UBE2K: variants seen among roughly 807,000 people sequenced by gnomAD.
UBE2K encodes the protein ubiquitin conjugating enzyme E2 K.
Under a neutral mutation model 30.0 loss-of-function variants are expected in UBE2K, and 6 were observed. That is an observed-to-expected ratio of 0.20 (90% confidence interval 0.11 to 0.39). The LOEUF is 0.39. Among genes scored for constraint, UBE2K ranks in the 10% least tolerant of loss-of-function variants. UBE2K has a pLI of 1.00. For missense variants in UBE2K, 61 were observed against 241.6 expected (o/e 0.25, Z 4.96); for synonymous variants, 86 against 83.7 (o/e 1.03, Z -0.15).
intron 4 of UBE2K, among the ~76,000 whole-genome samples, chr4:39,772,130 C>T (rs1410607576): frequency 1.3e-5 from 2 of 152,194 alleles, no homozygotes; most frequent in Non-Finnish European, 1.5e-5. Context: ...AGCCACTGCA[C>T]CCAGCCTAAA....
chr4:39,739,306 C>T (rs951631029), intron 2 of UBE2K, among the ~76,000 whole-genome samples: 1 of 152,040 alleles, frequency 6.6e-6, no homozygotes, highest in Admixed American at 6.6e-5. Context: ...GCTGGGGTTA[C>T]AGGAGTGAGC....
At chr4:39,743,219 G>A (rs1291540140) in intron 2 of UBE2K, among the ~76,000 whole-genome samples, 1 of 152,166 alleles carries the variant, frequency 6.6e-6, no homozygotes, top group Non-Finnish European at 1.5e-5. Context: ...TTGACTTTTT[G>A]AAGAGCTGAG....
chr4:39,727,688 C>T (rs114836764), intron 1 of UBE2K, among the ~76,000 whole-genome samples: 1 of 152,040 alleles, frequency 6.6e-6, no homozygotes, highest in East Asian at 1.9e-4. Context: ...GTGTGAGCCA[C>T]TGTGCCTGGC....
At chr4:39,753,350 G>C (rs440105) in intron 3 of UBE2K, among the ~76,000 whole-genome samples, 28,186 of 148,982 alleles carry the variant, frequency 0.19, 4,632 homozygotes, top group African/African-American at 0.45. Flanking sequence ...ACCTTCTCTG[G>C]GGGGGAAAAA....
At chr4:39,778,271 G>T (rs1713397503) in intron 6 of UBE2K, 89 bp from the exon 7 acceptor site, 3 of 757,226 alleles carry the variant, frequency 4.0e-6, no homozygotes, top group Middle Eastern at 2.5e-4. Context: ...GAAACAAGGT[G>T]TTAATTCCCA....
At chr4:39,770,226 G>A (rs1196937848) in intron 4 of UBE2K, 5 of 1,611,614 alleles carry the variant, frequency 3.1e-6, no homozygotes, top group African/African-American at 1.3e-5. Flanking sequence ...GTAGGGCTGC[G>A]CTCCCGAGTG....
chr4:39,769,213 G>GTTTTTTTTTTTTTTTCTTTTT (rs1712569154), intron 4 of UBE2K, among the ~76,000 whole-genome samples: 1 of 128,682 alleles, frequency 7.8e-6, no homozygotes, highest in Non-Finnish European at 1.7e-5. Flanking sequence ...GTTTCTTTTT[G>GTTTTTTTTTTTTTTTCTTTTT]TTTTTTTTTT....
chr4:39,776,483 T>C (rs548647829), intron 5 of UBE2K, among the ~76,000 whole-genome samples: 7 of 152,268 alleles, frequency 4.6e-5, no homozygotes, highest in Non-Finnish European at 1.0e-4. Context: ...CCAGATTCTT[T>C]AGTTTGCAGA....
chr4:39,754,034 A>G (rs1721405110), intron 3 of UBE2K, among the ~76,000 whole-genome samples: 1 of 152,224 alleles, frequency 6.6e-6, no homozygotes, highest in Non-Finnish European at 1.5e-5. Context: ...TTCTCAAAAA[A>G]AAAGAGAGAG....
intron 3 of UBE2K, among the ~76,000 whole-genome samples, chr4:39,747,073 A>G (rs963873302): frequency 7.2e-5 from 11 of 152,200 alleles, no homozygotes; most frequent in African/African-American, 1.9e-4. Flanking sequence ...CAGTTTAAGA[A>G]TAGATATGAT....
At chr4:39,766,186 TTTTTTG>T (rs1265679830) in intron 4 of UBE2K, among the ~76,000 whole-genome samples, 2 of 141,926 alleles carry the variant, frequency 1.4e-5, no homozygotes, top group African/African-American at 6.1e-5. Flanking sequence ...TGTGTTTTTG[TTTTTTG>T]TTTTTTTTTG....
intron 4 of UBE2K, 87 bp from the exon 5 acceptor site, chr4:39,774,747 A>G: frequency 1.5e-6 from 1 of 673,052 alleles, no homozygotes; most frequent in Non-Finnish European, 2.2e-6. Context: ...TTTTAGCTCT[A>G]CAATTTTTTA....
chr4:39,731,727 A>AG lies in UBE2K; in HGVS notation c.64-5689dup, dbSNP rs200853691. On this transcript the variant is annotated intron_variant, in intron 1 of 6. Transcript: ENST00000261427. ...TGTATTTCTTAGGCCTTTGAATAAT[A>AG]GGGGAAAGATAAGTCATTTATATTA... 5.3e-5 allele frequency among the ~76,000 whole-genome samples: 8 copies of AG among 152,286 alleles called. No individual in the cohort carries two copies. In the East Asian group the frequency reaches 1.5e-3, roughly 29 times the overall value.
intron 1 of UBE2K, among the ~76,000 whole-genome samples, chr4:39,735,407 G>A (rs1448692332): frequency 6.6e-6 from 1 of 152,122 alleles, no homozygotes; most frequent in East Asian, 1.9e-4. Flanking sequence ...TTGAGACGGA[G>A]TCTCGTTCTG....
intron 2 of UBE2K, among the ~76,000 whole-genome samples, chr4:39,744,318 G>A (rs1222416042): frequency 1.3e-5 from 2 of 151,802 alleles, no homozygotes; most frequent in East Asian, 2.0e-4. Context: ...GGCTACAGGC[G>A]TCCGCCACCA....
intron 1 of UBE2K, among the ~76,000 whole-genome samples, chr4:39,734,216 G>C (rs945702577): frequency 6.7e-6 from 1 of 148,614 alleles, no homozygotes; most frequent in Non-Finnish European, 1.5e-5. Flanking sequence ...AACGATTCTC[G>C]TGCCTCAACC....
At chr4:39,759,606 C>T (rs1711755873) in intron 4 of UBE2K, among the ~76,000 whole-genome samples, 1 of 152,162 alleles carries the variant, frequency 6.6e-6, no homozygotes, top group African/African-American at 2.4e-5. Context: ...CTTAATTCCA[C>T]AACTTGTGCT....
In UBE2K at chr4:39,781,991, G is replaced by A. The variant is rs145532652; in HGVS notation, c.*3557G>A. The A allele has an allele frequency of 2.5e-6, 1 of 398,362 alleles. No homozygotes were observed. The highest frequency in any genetic ancestry group is 2.1e-5 in the African/African-American group (1 of 48,728). 24.7% of individuals were successfully genotyped at this position (398,362 alleles called of 1,614,324 possible). A position where few individuals can be genotyped will look rare whatever the true frequency, so the allele number is the denominator to read the frequency against. On this transcript the variant is annotated 3_prime_UTR_variant, in exon 7 of 7. Transcript: ENST00000261427. ...CTTTTCTTCAGTGTCTACATATTAT[G>A]TCACACGTTCTATTTGCACTGCTGC...
intron 1 of UBE2K, among the ~76,000 whole-genome samples, chr4:39,701,099 C>T (rs891646459): frequency 4.0e-5 from 6 of 150,698 alleles, no homozygotes; most frequent in Non-Finnish European, 4.4e-5. Flanking sequence ...CATTTGGCCT[C>T]TTTCCCTTAA....
Sources: gnomAD v4.1 joint callset for allele counts (sites outside exome capture counted in the v4.1 genomes callset) on GRCh38, gnomAD v4.1.1 for gene constraint, MANE v1.5 for transcripts, NCBI Gene and HGNC (gene_info 2026-07-23, HGNC 2026-07-21) for gene names.